GCNT2: variants seen among roughly 807,000 people sequenced by gnomAD.
The protein encoded by GCNT2 is glucosaminyl (N-acetyl) transferase 2 (I blood group).
A neutral mutation model predicts 34.2 loss-of-function variants in GCNT2; 34 were observed. That is an observed-to-expected ratio of 1.00 (90% CI 0.76 to 1.32). The LOEUF is 1.32. Ranked by LOEUF, GCNT2 falls within the 40% of genes most tolerant of loss-of-function variation. The pLI is 0.00. For synonymous variants in GCNT2, 212 were observed against 188.0 expected (o/e 1.13, Z -1.04); for missense variants, 584 against 489.4 (o/e 1.19, Z -1.82).
intron 3 of GCNT2, among the ~76,000 whole-genome samples, chr6:10,602,680 A>G (rs570823144): frequency 6.6e-6 from 1 of 152,182 alleles, no homozygotes; most frequent in Non-Finnish European, 1.5e-5. Context: ...AGTGAGCATA[A>G]TTTCTTACTT....
chr6:10,530,030 G>T, intron 3 of GCNT2, 194 bp downstream of exon 3: 2 of 574,742 alleles, frequency 3.5e-6, no homozygotes, highest in Non-Finnish European at 6.2e-6. Context: ...GAACCGCTCT[G>T]TTCACAGGAC....
intron 3 of GCNT2, among the ~76,000 whole-genome samples, chr6:10,599,538 T>A (rs565343324): frequency 2.4e-4 from 36 of 152,144 alleles, no homozygotes; most frequent in Non-Finnish European, 2.2e-4. Context: ...CAGTGTGCCG[T>A]ATGAATTAGA....
intron 1 of GCNT2, among the ~76,000 whole-genome samples, chr6:10,525,151 G>A (rs138094594): frequency 4.5e-4 from 68 of 152,260 alleles, no homozygotes; most frequent in Admixed American, 4.0e-3. Flanking sequence ...CAGTTATTGA[G>A]ATTAAACTCT....
chr6:10,545,993 C>A (rs1762248304), intron 3 of GCNT2, among the ~76,000 whole-genome samples: 1 of 152,068 alleles, frequency 6.6e-6, no homozygotes, highest in African/African-American at 2.4e-5. Flanking sequence ...TGATCTTTTC[C>A]CCATGTGTAA....
intron 3 of GCNT2, among the ~76,000 whole-genome samples, chr6:10,567,401 G>A (rs903601363): frequency 6.6e-6 from 1 of 152,206 alleles, no homozygotes; most frequent in Non-Finnish European, 1.5e-5. Context: ...AGGCTGCAAT[G>A]AGCTAGGATG....
intron 3 of GCNT2, among the ~76,000 whole-genome samples, chr6:10,600,647 C>T (rs7755748): frequency 6.6e-6 from 1 of 151,962 alleles, no homozygotes; most frequent in African/African-American, 2.4e-5. Context: ...CGTATGTAGC[C>T]ATTGAGGGCT....
chr6:10,573,444 A>G (rs1763644239), intron 3 of GCNT2: 3 of 213,560 alleles, frequency 1.4e-5, no homozygotes, highest in Non-Finnish European at 2.4e-5. Flanking sequence ...TGGGGTTGCT[A>G]GGGAAGTAGA....
chr6:10,532,017 G>T (rs1393039299), intron 3 of GCNT2, among the ~76,000 whole-genome samples: 1 of 151,982 alleles, frequency 6.6e-6, no homozygotes, highest in Non-Finnish European at 1.5e-5. Flanking sequence ...CTGTCGTTTT[G>T]GAAGTAGAAT....
chr6:10,586,490 C>T (rs2127413424), intron 3 of GCNT2: 1 of 1,614,202 alleles, frequency 6.2e-7, no homozygotes, highest in Non-Finnish European at 8.5e-7. Context: ...TTTCCAGACT[C>T]CAGGCTGACC....
intron 3 of GCNT2, among the ~76,000 whole-genome samples, chr6:10,533,325 A>G (rs1313144067): frequency 6.6e-6 from 1 of 152,110 alleles, no homozygotes; most frequent in East Asian, 1.9e-4. Flanking sequence ...AATTTAAAAA[A>G]AAATTAGTCC....
At chr6:10,568,686 A>T (rs949916056) in intron 3 of GCNT2, among the ~76,000 whole-genome samples, 11 of 152,184 alleles carry the variant, frequency 7.2e-5, no homozygotes, top group African/African-American at 2.7e-4. Context: ...TCCCTGTTGG[A>T]GATCCCCTCA....
Position 10,529,365 on chromosome 6 carries a change from C to A in GCNT2, c.454C>A (p.Leu152Met), listed in dbSNP as rs2113508696. The change falls in exon 3 of 5, where the codon CTG becomes ATG. Residue 152 changes from leucine (L) to methionine (M), a missense_variant. By Grantham distance (15) the Leu-to-Met change is conservative. Transcript: ENST00000495262. ...QLLSCFPNAF[L>M]ASKKESVVYG... ...ACTCAGCTGCTTCCCAAATGCTTTTCTGGCTTCCAAGAAGGAGTCGGTTGT... is the reference window on the plus strand; with the variant it reads ...ACTCAGCTGCTTCCCAAATGCTTTTATGGCTTCCAAGAAGGAGTCGGTTGT... 8 of 1,614,106 alleles carry A rather than the reference C, an allele frequency of 5.0e-6. No homozygotes were observed. The East Asian group carries it at 1.8e-4, about 36-fold the overall frequency.
At chr6:10,597,993 T>A (rs1043551911) in intron 3 of GCNT2, among the ~76,000 whole-genome samples, 2 of 152,230 alleles carry the variant, frequency 1.3e-5, no homozygotes, top group Admixed American at 6.5e-5. Context: ...TATACAATTC[T>A]GTTCTAAATT....
intron 3 of GCNT2, among the ~76,000 whole-genome samples, chr6:10,597,158 T>C (rs1561827961): frequency 6.7e-6 from 1 of 148,762 alleles, no homozygotes; most frequent in Non-Finnish European, 1.5e-5. Context: ...ATTGCCTTTT[T>C]TTTTTTTTTT....
intron 3 of GCNT2, chr6:10,555,899 T>C: frequency 5.0e-6 from 5 of 1,001,568 alleles, no homozygotes; most frequent in South Asian, 8.7e-5. Flanking sequence ...GAGGCCAGGC[T>C]GTGGATCCTT....
intron 3 of GCNT2, among the ~76,000 whole-genome samples, chr6:10,611,989 G>A (rs919290671): frequency 2.0e-5 from 3 of 149,770 alleles, no homozygotes; most frequent in Non-Finnish European, 4.5e-5. Flanking sequence ...TTTTTTTTTT[G>A]TTTGCTTGTT....
intron 3 of GCNT2, among the ~76,000 whole-genome samples, chr6:10,531,703 G>A (rs934523500): frequency 6.6e-6 from 1 of 152,130 alleles, no homozygotes; most frequent in East Asian, 1.9e-4. Flanking sequence ...GCACAGAGCT[G>A]TTTAAATAGA....
intron 3 of GCNT2, among the ~76,000 whole-genome samples, chr6:10,617,338 C>G (rs1461312479): frequency 2.6e-5 from 4 of 152,208 alleles, no homozygotes; most frequent in Non-Finnish European, 4.4e-5. Flanking sequence ...CCACGCCCAC[C>G]CGGAACTCAC....
chr6:10,582,325 A>G (rs1223209832), intron 3 of GCNT2, among the ~76,000 whole-genome samples: 2 of 110,310 alleles, frequency 1.8e-5, no homozygotes, highest in African/African-American at 9.5e-5. Flanking sequence ...AATATTAAAT[A>G]TAATATATAC....
Sources: gnomAD v4.1 joint callset for allele counts (sites outside exome capture counted in the v4.1 genomes callset) on GRCh38, gnomAD v4.1.1 for gene constraint, MANE v1.5 for transcripts, NCBI Gene and HGNC (gene_info 2026-07-23, HGNC 2026-07-21) for gene names.